IQSEC1: variants seen among roughly 807,000 people sequenced by gnomAD.
The protein encoded by IQSEC1 is IQ motif and Sec7 domain ArfGEF 1.
In IQSEC1, 31 loss-of-function variants were observed where a neutral mutation model predicts 91.0. That is an observed-to-expected ratio of 0.34 (90% confidence interval 0.26 to 0.46). IQSEC1 has a LOEUF of 0.46. IQSEC1 is among the 20% of genes least tolerant of loss of function. The pLI is 1.00. For missense variants in IQSEC1, 1,388 were observed against 1,575.6 expected, an observed-to-expected ratio of 0.88 and a Z score of 2.02; for synonymous variants, 699 against 662.6, an observed-to-expected ratio of 1.05 and a Z score of -0.84.
chr3:13,130,180 C>A (rs1422811422), intron 2 of IQSEC1, among the ~76,000 whole-genome samples: 1 of 150,772 alleles, frequency 6.6e-6, no homozygotes, highest in Non-Finnish European at 1.5e-5. Flanking sequence ...CCCGCCTCTA[C>A]TAAAAATACA....
rs138938180 is a variant in IQSEC1 at position 12,987,858 on chromosome 3, T to C, written c.24-45993A>G. 1.5e-3 allele frequency among the ~76,000 whole-genome samples: 226 copies of C among 152,210 alleles called. 1 individual carries two copies. Among genetic ancestry groups the C allele is most frequent in the African/African-American group, 4.8e-3 (201 of 41,508 alleles). On this transcript the variant is annotated intron_variant, in intron 1 of 13. Coordinates refer to ENST00000613206, the MANE Select transcript of IQSEC1 (RefSeq NM_001134382.3). Reference sequence around the variant, plus strand: ...AAGATCCCCAACCTCATCGGGGAGATGCAAATTCAAACCACAGCAAGAAAC... The same window carrying C: ...AAGATCCCCAACCTCATCGGGGAGACGCAAATTCAAACCACAGCAAGAAAC...
In IQSEC1 at chr3:12,924,707, C is replaced by T. The variant is rs200196417; in HGVS notation, c.1604G>A (p.Arg535His). ...GACGGGCGTGTCGGGCACAAAGCCACGCTCGATGAGGTACTGGACTCCCTT... is the reference window on the plus strand; with the variant it reads ...GACGGGCGTGTCGGGCACAAAGCCATGCTCGATGAGGTACTGGACTCCCTT... The part of the protein sequence containing the change: ...PEKGVQYLIE[R>H]GFVPDTPVGV... The change falls in exon 4 of 14, where the codon CGT becomes CAT. Residue 535 changes from arginine to histidine, a missense_variant. By Grantham distance (29) the Arg-to-His change is conservative. This residue lies in a region of IQSEC1 where 1,059 missense variants were observed against 1,317.8 expected (regional missense o/e 0.80). Transcript: ENST00000613206. This position sits in a 1 kb window ranked among gnomAD's most constrained non-coding sequence, Gnocchi z 6.3. 29 of 1,605,676 alleles carry T rather than the reference C, an allele frequency of 1.8e-5. No homozygotes were observed. Among genetic ancestry groups the T allele is most frequent in the East Asian group, 1.6e-4 (7 of 44,394 alleles).
At chr3:13,050,081 C>T (rs1704641075) in intron 1 of IQSEC1, among the ~76,000 whole-genome samples, 1 of 134,984 alleles carries the variant, frequency 7.4e-6, no homozygotes, top group Non-Finnish European at 1.6e-5. Flanking sequence ...CAGAAATCCT[C>T]AGTGGCCTGG....
intron 1 of IQSEC1, among the ~76,000 whole-genome samples, chr3:13,002,854 A>G (rs1702478939): frequency 1.4e-5 from 2 of 143,192 alleles, no homozygotes; most frequent in East Asian, 4.3e-4. Flanking sequence ...ATGTGGAGAA[A>G]TGGAAACCCT....
chr3:13,190,820 C>T (rs565996224), intron 1 of IQSEC1, among the ~76,000 whole-genome samples: 1 of 152,318 alleles, frequency 6.6e-6, no homozygotes, highest in South Asian at 2.1e-4. Flanking sequence ...GGTAAATACA[C>T]TGAAAGGAGA....
intron 9 of IQSEC1, 68 bp from the exon 10 acceptor site, chr3:12,911,796 G>A (rs1028321279): frequency 9.3e-7 from 1 of 1,076,306 alleles, no homozygotes; most frequent in Non-Finnish European, 1.4e-6. Flanking sequence ...GGGACCTCTG[G>A]TCAGAGGATC....
rs926073143 is a variant in IQSEC1, at chr3:12,940,023, T to C, written c.318+1548A>G. ...GAATGAAAATGAATAGCTGCAGTCC[T>C]ATTAGGCCCACAGTAAGCATATAAT... On this transcript the variant is annotated intron_variant, in intron 2 of 13. Coordinates refer to ENST00000613206, the MANE Select transcript of IQSEC1 (RefSeq NM_001134382.3). This position sits in a 1 kb window ranked among gnomAD's most constrained non-coding sequence, Gnocchi z 4.4. Among the ~76,000 whole-genome samples the C allele has an allele frequency of 6.6e-6, 1 of 152,226 alleles. No individual in the cohort carries two copies. The highest frequency in any genetic ancestry group is 2.4e-5 in the African/African-American group (1 of 41,458).
chr3:13,157,437 G>T (rs1045501949), intron 2 of IQSEC1, among the ~76,000 whole-genome samples: 2 of 152,156 alleles, frequency 1.3e-5, no homozygotes, highest in African/African-American at 2.4e-5. Context: ...CTGAAAGCAG[G>T]CTGAGGGTAT....
At chr3:13,165,011 G>A (rs990632431) in intron 1 of IQSEC1, among the ~76,000 whole-genome samples, 2 of 152,198 alleles carry the variant, frequency 1.3e-5, no homozygotes, top group African/African-American at 4.8e-5. Flanking sequence ...CATGCTGCAC[G>A]ACCCTTCAGC....
At chr3:13,279,601 A>G (rs1018799084) in intron 1 of IQSEC1, among the ~76,000 whole-genome samples, 2 of 152,166 alleles carry the variant, frequency 1.3e-5, no homozygotes, top group African/African-American at 4.8e-5. Context: ...GTGATCTCTC[A>G]ATTGCATCCA....
At chr3:12,986,205 G>A (rs1421323496) in intron 1 of IQSEC1, among the ~76,000 whole-genome samples, 2 of 152,206 alleles carry the variant, frequency 1.3e-5, no homozygotes, top group East Asian at 3.8e-4. Flanking sequence ...GGAAGGCTAC[G>A]TCACAGGCTG....
chr3:13,103,735 G>A lies in IQSEC1; in HGVS notation c.303-56213C>T, dbSNP rs1477146441. On this transcript the variant is annotated intron_variant, in intron 2 of 15. Transcript: ENST00000648114. The surrounding 1 kb of genome is among the most constrained non-coding windows in gnomAD (Gnocchi z 4.1). The stretch of plus-strand genomic sequence containing the variant: ...TGGAGGCCTGACCCCCAGAGGGTGC[G>A]CCTCCTACCCCTGGGAGCTCCCCGG... 5.3e-5 allele frequency among the ~76,000 whole-genome samples: 8 copies of A among 152,084 alleles called. No homozygotes were observed. Among genetic ancestry groups the A allele is most frequent in the East Asian group, 3.9e-4 (2 of 5,182 alleles).
chr3:13,025,474 T>C (rs1703577028), intron 1 of IQSEC1, among the ~76,000 whole-genome samples: 2 of 152,030 alleles, frequency 1.3e-5, no homozygotes, highest in South Asian at 4.2e-4. Context: ...GGAGGGACAG[T>C]GTTGAAGGGG....
At chr3:13,257,626 C>A (rs573221362) in intron 1 of IQSEC1, among the ~76,000 whole-genome samples, 1 of 152,310 alleles carries the variant, frequency 6.6e-6, no homozygotes. Flanking sequence ...GGGCTCCGCA[C>A]CCTGCAGCTG....
At chr3:13,145,277 C>T (rs1706870401) in intron 2 of IQSEC1, among the ~76,000 whole-genome samples, 1 of 152,072 alleles carries the variant, frequency 6.6e-6, no homozygotes, top group Non-Finnish European at 1.5e-5. Context: ...ACATGAGCAG[C>T]CCCGGGCTTG....
At position 12,936,706 on chromosome 3, in the gene IQSEC1, G is replaced by T; in HGVS notation, c.319-9C>A. 6.4e-7 allele frequency: 1 copy of T among 1,559,128 alleles called. No individual in the cohort carries two copies. Among genetic ancestry groups the T allele is most frequent in the Non-Finnish European group, 8.7e-7 (1 of 1,150,756 alleles). ...CGTTCTAGCATCTCCACCTGCGGGT[G>T]GGAGAGGAGAATGAGAACAGCACTG... is the stretch of plus-strand genomic sequence containing the variant. On this transcript the variant is annotated splice_polypyrimidine_tract_variant and intron_variant, in intron 2 of 13. Coordinates refer to ENST00000613206, the MANE Select transcript of IQSEC1 (RefSeq NM_001134382.3).
intron 1 of IQSEC1, among the ~76,000 whole-genome samples, chr3:13,017,586 A>G (rs1213172770): frequency 1.3e-5 from 2 of 152,210 alleles, no homozygotes; most frequent in African/African-American, 4.8e-5. Context: ...GCTGTGGGAC[A>G]GTGCTCCTCA....
chr3:12,978,720 T>A (rs796227515), intron 1 of IQSEC1, among the ~76,000 whole-genome samples: 31 of 149,684 alleles, frequency 2.1e-4, no homozygotes, highest in African/African-American at 3.0e-4. Flanking sequence ...AAAAAATAAA[T>A]AAATAAAAAA....
At chr3:13,031,734 G>A (rs552633787) in intron 1 of IQSEC1, among the ~76,000 whole-genome samples, 17 of 152,258 alleles carry the variant, frequency 1.1e-4, no homozygotes, top group African/African-American at 4.1e-4. Flanking sequence ...TTCCCAGGAC[G>A]GTGAGGGCGA....
Sources: allele counts gnomAD v4.1 joint callset (sites outside exome capture counted in the v4.1 genomes callset), GRCh38; gene constraint gnomAD v4.1.1; regional missense constraint gnomAD v4.1.1; non-coding constraint Gnocchi (gnomAD v3.1); transcripts MANE v1.5; gene names NCBI Gene and HGNC (gene_info 2026-07-23, HGNC 2026-07-21).